Variants in DLG2 observed in about 807,000 individuals in gnomAD.
DLG2 encodes the protein discs large MAGUK scaffold protein 2.
A neutral mutation model predicts 132.5 loss-of-function variants in DLG2; 45 were observed. The observed-to-expected ratio is 0.34, with a 90% CI of 0.27 to 0.44. The LOEUF (loss-of-function observed/expected upper bound fraction) is 0.44. Among genes scored for constraint, DLG2 ranks in the 20% least tolerant of loss-of-function variants. DLG2 has a pLI of 1.00. For missense variants in DLG2, 1,045 were observed against 1,196.9 expected, an observed-to-expected ratio of 0.87 and a Z score of 1.87; for synonymous variants, 424 against 419.6, an observed-to-expected ratio of 1.01 and a Z score of -0.13.
At chr11:84,118,084 T>C in intron 9 of DLG2, among the ~76,000 whole-genome samples, 1 of 152,168 alleles carries the variant, frequency 6.6e-6, no homozygotes, top group East Asian at 1.9e-4. Context: ...CTTGAACTCC[T>C]GACCGCAGGT....
chr11:85,013,091 G>A (rs1488112808), intron 6 of DLG2, among the ~76,000 whole-genome samples: 3 of 152,128 alleles, frequency 2.0e-5, no homozygotes, highest in African/African-American at 4.8e-5. Flanking sequence ...GAATTTTCCA[G>A]AAATGGTTGC....
At position 84,147,448 on chromosome 11, in the gene DLG2, T is replaced by C. The variant is rs568769881; in HGVS notation, c.624+16013A>G. On this transcript the variant is annotated intron_variant, in intron 9 of 27. Coordinates refer to ENST00000376104, the MANE Select transcript of DLG2 (RefSeq NM_001142699.3). ...GCATTTTATATGCAGAGATTAGAAATGGGGAGTCATTAAAATAAAATATTT... is the reference window on the plus strand; with the variant it reads ...GCATTTTATATGCAGAGATTAGAAACGGGGAGTCATTAAAATAAAATATTT... Among the ~76,000 whole-genome samples, 9 of 152,128 alleles carry C rather than the reference T, an allele frequency of 5.9e-5. No individual in the cohort carries two copies. In the South Asian group the frequency reaches 1.5e-3, roughly 25 times the overall value.
chr11:83,528,196 G>A (rs2095654532), intron 21 of DLG2, among the ~76,000 whole-genome samples: 1 of 152,150 alleles, frequency 6.6e-6, no homozygotes. Flanking sequence ...TTCTTTGCAT[G>A]TGTAGACATA....
At chr11:84,163,357 G>T in intron 9 of DLG2, 104 bp downstream of exon 9, 2 of 1,071,824 alleles carry the variant, frequency 1.9e-6, no homozygotes, top group East Asian at 2.7e-5. Context: ...AAACTTCCAG[G>T]TTATAAAACA....
At chr11:85,546,006 T>C (rs1040496824) in intron 3 of DLG2, among the ~76,000 whole-genome samples, 4 of 152,226 alleles carry the variant, frequency 2.6e-5, no homozygotes, top group Non-Finnish European at 5.9e-5. Flanking sequence ...TCTGCTCTGA[T>C]ATTAATTATT....
intron 3 of DLG2, among the ~76,000 whole-genome samples, chr11:85,303,185 T>C (rs908464723): frequency 2.6e-5 from 4 of 152,174 alleles, no homozygotes; most frequent in Non-Finnish European, 5.9e-5. Context: ...CCCCCATTAC[T>C]TAAGGAAAAT....
intron 6 of DLG2, among the ~76,000 whole-genome samples, chr11:84,920,203 A>G (rs1022778331): frequency 1.3e-5 from 2 of 152,150 alleles, no homozygotes; most frequent in African/African-American, 4.8e-5. Context: ...TTCTTTTATG[A>G]TTTACCCATT....
chr11:85,338,923 A>T (rs1201897436), intron 3 of DLG2, among the ~76,000 whole-genome samples: 3 of 151,628 alleles, frequency 2.0e-5, no homozygotes, highest in Non-Finnish European at 4.4e-5. Flanking sequence ...CAATCTCCTG[A>T]CCTCGTGATC....
In DLG2 at chr11:85,047,474, C is replaced by T. The variant is rs2062453810; in HGVS notation, c.357+64187G>A. Among the ~76,000 whole-genome samples the T allele has an allele frequency of 2.6e-5, 4 of 151,900 alleles. No homozygotes were observed. The South Asian group carries it at 8.3e-4, about 31-fold the overall frequency. On this transcript the variant is annotated intron_variant, in intron 6 of 27. Coordinates refer to ENST00000376104, the MANE Select transcript of DLG2 (RefSeq NM_001142699.3). ...TCAATTTGACCTTTTCAGGTTGAGG[C>T]ATTCTAATTCAGACTTCATAGCTTT... is the stretch of plus-strand genomic sequence containing the variant.
At chr11:84,254,215 G>T (rs1450751444) in intron 7 of DLG2, among the ~76,000 whole-genome samples, 1 of 151,624 alleles carries the variant, frequency 6.6e-6, no homozygotes, top group African/African-American at 2.4e-5. Context: ...TTTTATTTGG[G>T]GCTTTCATCC....
At chr11:84,420,767 C>T (rs2098947433) in intron 7 of DLG2, among the ~76,000 whole-genome samples, 1 of 146,734 alleles carries the variant, frequency 6.8e-6, no homozygotes, top group South Asian at 2.2e-4. Flanking sequence ...CTCCCGGGTT[C>T]ACGCCATTCT....
chr11:85,361,138 A>T (rs2084116154), intron 3 of DLG2, among the ~76,000 whole-genome samples: 1 of 152,056 alleles, frequency 6.6e-6, no homozygotes. Flanking sequence ...CCCAGACCCC[A>T]GATTCTGTTA....
rs200638949 is a variant in DLG2, at chr11:84,633,614, TA to T, written c.358-98884del. 4.1e-3 allele frequency among the ~76,000 whole-genome samples: 598 copies of T among 145,770 alleles called. 8 individuals carry two copies. The East Asian group carries it at 0.049, about 12-fold the overall frequency. Reference sequence around the variant, plus strand: ...TTTCTCACCGTGTATTATGACTATTTAAAAAAAAAAAAAGTTCCTTGAAGGT... The same window carrying T: ...TTTCTCACCGTGTATTATGACTATTTAAAAAAAAAAAAGTTCCTTGAAGGT... On this transcript the variant is annotated intron_variant, in intron 6 of 27. Coordinates refer to ENST00000376104, the MANE Select transcript of DLG2 (RefSeq NM_001142699.3).
intron 16 of DLG2, among the ~76,000 whole-genome samples, chr11:83,842,836 A>G (rs1180713770): frequency 1.2e-3 from 171 of 146,756 alleles, no homozygotes; most frequent in African/African-American, 4.1e-3. Context: ...AAAAAAAAGA[A>G]GGAAAATTAC....
At chr11:83,940,193 C>T (rs10898182) in intron 14 of DLG2, among the ~76,000 whole-genome samples, 21,459 of 152,108 alleles carry the variant, frequency 0.14, 1,546 homozygotes, top group Middle Eastern at 0.17. Flanking sequence ...ATTGGTCCTT[C>T]CTTCCACCCC....
intron 7 of DLG2, among the ~76,000 whole-genome samples, chr11:84,471,481 G>C (rs1402140505): frequency 6.6e-6 from 1 of 151,496 alleles, no homozygotes; most frequent in African/African-American, 2.4e-5. Flanking sequence ...TTCTGGTCTG[G>C]TCAGTTATGG....
intron 6 of DLG2, among the ~76,000 whole-genome samples, chr11:84,929,956 T>C (rs1415373485): frequency 6.6e-6 from 1 of 152,120 alleles, no homozygotes; most frequent in Non-Finnish European, 1.5e-5. Flanking sequence ...AAGTTCTACA[T>C]GTACTTTCAG....
chr11:84,968,848 T>C (rs750520379), intron 6 of DLG2, among the ~76,000 whole-genome samples: 1 of 152,190 alleles, frequency 6.6e-6, no homozygotes, highest in Non-Finnish European at 1.5e-5. Flanking sequence ...CTGATTAGCC[T>C]ATAGAGTTAC....
intron 9 of DLG2, among the ~76,000 whole-genome samples, chr11:84,134,381 T>C (rs1422211216): frequency 6.6e-6 from 1 of 152,100 alleles, no homozygotes; most frequent in Non-Finnish European, 1.5e-5. Flanking sequence ...GTAATTTCAA[T>C]TTGGGTTAAG....
Sources: allele counts gnomAD v4.1 joint callset (sites outside exome capture counted in the v4.1 genomes callset), GRCh38; gene constraint gnomAD v4.1.1; transcripts MANE v1.5; gene names NCBI Gene and HGNC (gene_info 2026-07-23, HGNC 2026-07-21).